ULK4: variants seen among roughly 807,000 people sequenced by gnomAD.
ULK4 encodes unc-51 like kinase 4, also known as inactive serine/threonine-protein kinase ULK4.
ULK4 carries 133 observed loss-of-function variants against 160.6 expected under a neutral mutation model. The observed-to-expected ratio is 0.83, with a 90% CI of 0.72 to 0.96. The LOEUF is 0.96. Among genes scored for constraint, ULK4 ranks in the 40% least tolerant of loss-of-function variants. The probability of loss-of-function intolerance (pLI) is 0.00; values close to 1 mark genes in which losing one functional copy is unlikely to be tolerated. For synonymous variants in ULK4, 534 were observed against 539.8 expected (o/e 0.99, Z 0.15); for missense variants, 1,580 against 1,499.5 (o/e 1.05, Z -0.89).
chr3:41,516,717 T>C (rs2085760742), intron 32 of ULK4, among the ~76,000 whole-genome samples: 1 of 141,456 alleles, frequency 7.1e-6, no homozygotes, highest in African/African-American at 2.5e-5. Flanking sequence ...TGGGGGAAGG[T>C]TGAGATGGTT....
intron 35 of ULK4, among the ~76,000 whole-genome samples, chr3:41,278,754 C>G (rs2079281412): frequency 6.6e-6 from 1 of 152,118 alleles, no homozygotes; most frequent in Non-Finnish European, 1.5e-5. Context: ...GCATCAACAT[C>G]AACAAAAAGG....
Position 41,409,948 on chromosome 3 carries a change from C to CA in ULK4, c.3493-11685dup, listed in dbSNP as rs36107176. 3.3e-3 allele frequency among the ~76,000 whole-genome samples: 470 copies of CA among 143,254 alleles called. 4 individuals are homozygous for CA. The highest frequency in any genetic ancestry group is 0.019 in the East Asian group (91 of 4,826). The allele number at this position is 143,254 out of a possible 152,430, so 94.0% of individuals were successfully genotyped here. A position where few individuals can be genotyped will look rare whatever the true frequency, so the allele number is the denominator to read the frequency against. ...TGGGTGACAGAGCGAGACCCGGTCT[C>CA]AAAAAAAAAAAAGAAAAGAAAATGC... On this transcript the variant is annotated intron_variant, in intron 34 of 36. Coordinates refer to ENST00000301831, the MANE Select transcript of ULK4 (RefSeq NM_017886.4).
chr3:41,278,074 C>G (rs763237595), intron 35 of ULK4: 2 of 152,264 alleles, frequency 1.3e-5, no homozygotes, highest in African/African-American at 4.8e-5. Context: ...CTGAAAAAAA[C>G]GGGACACTCC....
intron 22 of ULK4, among the ~76,000 whole-genome samples, chr3:41,728,387 A>G (rs1319870263): frequency 6.6e-6 from 1 of 152,144 alleles, no homozygotes; most frequent in Non-Finnish European, 1.5e-5. Flanking sequence ...TCACATTGAA[A>G]GAGAGGAAGC....
At chr3:41,718,118 T>C (rs145532679) in intron 22 of ULK4, among the ~76,000 whole-genome samples, 33 of 152,310 alleles carry the variant, frequency 2.2e-4, no homozygotes, top group African/African-American at 7.7e-4. Context: ...ACGAACAATA[T>C]TCTCCAGGTG....
intron 35 of ULK4, among the ~76,000 whole-genome samples, chr3:41,341,693 G>A (rs917891480): frequency 6.6e-6 from 1 of 152,108 alleles, no homozygotes; most frequent in Non-Finnish European, 1.5e-5. Flanking sequence ...AAGAAACCAG[G>A]GCAAGTGGCT....
At chr3:41,540,117 T>C (rs1254358735) in intron 32 of ULK4, among the ~76,000 whole-genome samples, 2 of 152,148 alleles carry the variant, frequency 1.3e-5, no homozygotes, top group African/African-American at 4.8e-5. Context: ...AAGTGCAGAA[T>C]GTGCAGGTTT....
At chr3:41,938,595 T>C (rs1388214101) in intron 2 of ULK4, among the ~76,000 whole-genome samples, 1 of 152,078 alleles carries the variant, frequency 6.6e-6, no homozygotes, top group East Asian at 1.9e-4. Context: ...GGCAGGAGAA[T>C]TGCTTGAACT....
chr3:41,655,309 T>C (rs1447487227), intron 30 of ULK4, among the ~76,000 whole-genome samples: 1 of 134,296 alleles, frequency 7.4e-6, no homozygotes, highest in Non-Finnish European at 1.5e-5. Flanking sequence ...TTCTCACTCA[T>C]AGGTGGGAAT....
rs148507027 is a variant in ULK4, at chr3:41,391,121, C to T, written c.3678+6958G>A. Among the ~76,000 whole-genome samples the T allele has an allele frequency of 9.6e-3, 1,455 of 152,148 alleles. 16 individuals carry two copies. Among genetic ancestry groups the T allele is most frequent in the South Asian group, 0.015 (72 of 4,828 alleles). ...GTCCAGGTCCATTCATGTTTCTTTT[C>T]TTTGTTGGACAGATACAACAAAATC... On this transcript the variant is annotated intron_variant, in intron 35 of 36. Coordinates refer to ENST00000301831, the MANE Select transcript of ULK4 (RefSeq NM_017886.4).
chr3:41,451,008 G>A (rs943432366), intron 34 of ULK4, among the ~76,000 whole-genome samples: 51 of 152,268 alleles, frequency 3.3e-4, no homozygotes, highest in African/African-American at 1.2e-3. Flanking sequence ...AAACCTCTCA[G>A]AGGACAATTT....
At chr3:41,916,093 A>T in intron 7 of ULK4, 41 bp from the exon 8 acceptor site, 3 of 1,279,112 alleles carry the variant, frequency 2.3e-6, no homozygotes, top group Non-Finnish European at 3.3e-6. Context: ...GATAAGTAGT[A>T]AATACATATC....
intron 35 of ULK4, among the ~76,000 whole-genome samples, chr3:41,329,862 G>A (rs1247397059): frequency 2.6e-5 from 4 of 152,088 alleles, no homozygotes; most frequent in Admixed American, 6.6e-5. Flanking sequence ...TTTATTAGAA[G>A]AGCATATTAG....
chr3:41,316,292 A>C (rs2080141965), intron 35 of ULK4, among the ~76,000 whole-genome samples: 1 of 152,216 alleles, frequency 6.6e-6, no homozygotes, highest in African/African-American at 2.4e-5. Context: ...AAAGAGGCTG[A>C]CTTTTGGGGT....
At chr3:41,734,204 G>A (rs2037940595) in intron 22 of ULK4, among the ~76,000 whole-genome samples, 1 of 152,084 alleles carries the variant, frequency 6.6e-6, no homozygotes, top group African/African-American at 2.4e-5. Context: ...TAGGTAAGCA[G>A]GGGACCATCT....
intron 30 of ULK4, among the ~76,000 whole-genome samples, chr3:41,645,623 A>G (rs1359169335): frequency 6.6e-6 from 1 of 151,598 alleles, no homozygotes; most frequent in East Asian, 1.9e-4. Flanking sequence ...TATGTGGTCA[A>G]TTTTGGAATA....
At chr3:41,747,558 C>T (rs1197382976) in intron 22 of ULK4, among the ~76,000 whole-genome samples, 1 of 152,034 alleles carries the variant, frequency 6.6e-6, no homozygotes, top group Non-Finnish European at 1.5e-5. Context: ...CTGTTCCCCC[C>T]AAAATTCATA....
At chr3:41,865,254 G>C (rs978725103) in intron 17 of ULK4, among the ~76,000 whole-genome samples, 15 of 107,462 alleles carry the variant, frequency 1.4e-4, no homozygotes, top group Middle Eastern at 0.013. Flanking sequence ...CTGGGCAACA[G>C]AGCAAGACTC....
intron 34 of ULK4, among the ~76,000 whole-genome samples, chr3:41,438,014 A>G (rs2083074727): frequency 6.6e-6 from 1 of 151,648 alleles, no homozygotes. Context: ...AACTCTGGAG[A>G]GCTGAAAGTC....
Sources: allele counts gnomAD v4.1 joint callset (sites outside exome capture counted in the v4.1 genomes callset), GRCh38; gene constraint gnomAD v4.1.1; transcripts MANE v1.5; gene names NCBI Gene and HGNC (gene_info 2026-07-23, HGNC 2026-07-21).